The following EGFLAM variants were observed in gnomAD, a reference collection of about 807,000 sequenced individuals.
EGFLAM encodes the protein pikachurin.
EGFLAM carries 79 observed loss-of-function variants against 113.1 expected under a neutral mutation model. That is an observed-to-expected ratio of 0.70 (90% CI 0.58 to 0.84). The LOEUF (loss-of-function observed/expected upper bound fraction) is 0.84. Ranked by LOEUF, EGFLAM falls within the 40% of genes least tolerant of loss-of-function variation. The pLI, the probability that EGFLAM is intolerant of heterozygous loss-of-function variation, is 0.00. For missense variants in EGFLAM, 1,265 were observed against 1,291.6 expected (o/e 0.98, Z 0.32); for synonymous variants, 504 against 487.6 (o/e 1.03, Z -0.44).
chr5:38,407,705 G>T, intron 8 of EGFLAM, 100 bp from the exon 9 acceptor site: 2 of 770,960 alleles, frequency 2.6e-6, no homozygotes, highest in Non-Finnish European at 4.4e-6. Context: ...ATTAGTGAGG[G>T]TTCTCACTTA....
chr5:38,335,503 T>C (rs1013246653), intron 1 of EGFLAM, among the ~76,000 whole-genome samples: 3 of 152,184 alleles, frequency 2.0e-5, no homozygotes, highest in African/African-American at 7.2e-5. Context: ...TCTCATCCTG[T>C]GATTTCCCAG....
At chr5:38,436,463 A>T (rs2561824) in intron 16 of EGFLAM, among the ~76,000 whole-genome samples, 12,850 of 152,148 alleles carry the variant, frequency 0.084, 556 homozygotes, top group Middle Eastern at 0.1. Flanking sequence ...AGGCCCAGTC[A>T]ACATTTGCTG....
chr5:38,317,127 C>T (rs1225268202), intron 1 of EGFLAM, among the ~76,000 whole-genome samples: 3 of 152,100 alleles, frequency 2.0e-5, no homozygotes, highest in Non-Finnish European at 4.4e-5. Context: ...TGATCTTGAA[C>T]ATGTCAAAAA....
chr5:38,292,401 G>C (rs1480578398), intron 1 of EGFLAM, among the ~76,000 whole-genome samples: 3 of 152,188 alleles, frequency 2.0e-5, no homozygotes, highest in African/African-American at 7.2e-5. Context: ...TAAATGAAAA[G>C]TTTAAAAGGA....
chr5:38,441,583 C>T (rs531327425), intron 17 of EGFLAM, among the ~76,000 whole-genome samples: 2 of 146,088 alleles, frequency 1.4e-5, no homozygotes, highest in African/African-American at 2.6e-5. Context: ...GAATATGAAT[C>T]GCTGCTTTGT....
intron 16 of EGFLAM, among the ~76,000 whole-genome samples, chr5:38,435,719 C>T (rs115245906): frequency 1.3e-5 from 2 of 151,064 alleles, no homozygotes; most frequent in African/African-American, 4.9e-5. Context: ...TGTAACCAAG[C>T]TCTTAAGAGC....
At chr5:38,342,928 G>A (rs2561124) in intron 3 of EGFLAM, among the ~76,000 whole-genome samples, 74,754 of 152,056 alleles carry the variant, frequency 0.49, 19,591 homozygotes, top group Admixed American at 0.58. Flanking sequence ...TGGCATCTCA[G>A]TGGATTGTCT....
intron 1 of EGFLAM, among the ~76,000 whole-genome samples, chr5:38,334,917 G>A (rs1187433144): frequency 2.0e-5 from 3 of 152,300 alleles, no homozygotes; most frequent in African/African-American, 7.2e-5. Context: ...CCCTTGGGGA[G>A]CATTTGGTAA....
chr5:38,319,403 A>G (rs1738685047), intron 1 of EGFLAM, among the ~76,000 whole-genome samples: 1 of 152,202 alleles, frequency 6.6e-6, no homozygotes, highest in Non-Finnish European at 1.5e-5. Flanking sequence ...TAGAAGGAGG[A>G]CAGGGATTTA....
chr5:38,427,313 A>G (rs1031212491), intron 14 of EGFLAM, 61 bp downstream of exon 14: 8 of 1,577,392 alleles, frequency 5.1e-6, no homozygotes, highest in Admixed American at 1.8e-5. Context: ...ACTGCTTCAG[A>G]AAAAAACCAA....
chr5:38,265,213 A>G (rs1757604042), intron 1 of EGFLAM, among the ~76,000 whole-genome samples: 1 of 152,184 alleles, frequency 6.6e-6, no homozygotes. Flanking sequence ...GGGGAATAGT[A>G]GTCCATCTGT....
chr5:38,359,051 T>C (rs1739850106), intron 5 of EGFLAM, among the ~76,000 whole-genome samples: 2 of 152,312 alleles, frequency 1.3e-5, no homozygotes, highest in South Asian at 2.1e-4. Context: ...TTTTGAAATA[T>C]CTTGGCTATA....
intron 6 of EGFLAM, among the ~76,000 whole-genome samples, chr5:38,395,967 C>T (rs972338395): frequency 6.6e-6 from 1 of 152,002 alleles, no homozygotes; most frequent in African/African-American, 2.4e-5. Context: ...CATAGAAAAG[C>T]CTCTCCTTAT....
chr5:38,278,171 T>C (rs559889009), intron 1 of EGFLAM, among the ~76,000 whole-genome samples: 3 of 152,106 alleles, frequency 2.0e-5, no homozygotes, highest in South Asian at 4.2e-4. Flanking sequence ...GAAAACAGCA[T>C]GGTAGTAGCA....
chr5:38,407,697 T>G, intron 8 of EGFLAM, 108 bp from the exon 9 acceptor site: 1 of 715,208 alleles, frequency 1.4e-6, no homozygotes. Context: ...TTGAATAGAT[T>G]AGTGAGGGTT....
intron 11 of EGFLAM, among the ~76,000 whole-genome samples, chr5:38,416,733 A>C (rs572914707): frequency 1.3e-5 from 2 of 152,350 alleles, no homozygotes; most frequent in African/African-American, 4.8e-5. Flanking sequence ...GAATTCTGAG[A>C]ATCTTGGTGA....
intron 1 of EGFLAM, among the ~76,000 whole-genome samples, chr5:38,270,244 C>G (rs775243535): frequency 8.5e-5 from 13 of 152,208 alleles, no homozygotes; most frequent in Non-Finnish European, 1.8e-4. Flanking sequence ...TCCCCAAAAT[C>G]TTTTCAGATG....
chr5:38,424,337 C>T (rs1741929800), intron 12 of EGFLAM, among the ~76,000 whole-genome samples: 1 of 152,216 alleles, frequency 6.6e-6, no homozygotes, highest in Non-Finnish European at 1.5e-5. Flanking sequence ...GGCCACCTTT[C>T]TGTCCCTCAT....
chr5:38,440,689 G>T lies in EGFLAM; in HGVS notation c.2464+2234G>T, dbSNP rs1033569112. Among the ~76,000 whole-genome samples the T allele has an allele frequency of 2.6e-4, 40 of 152,140 alleles. No individual in the cohort carries two copies. In the East Asian group the frequency reaches 7.1e-3, roughly 27 times the overall value. On this transcript the variant is annotated intron_variant, in intron 17 of 21. Transcript: ENST00000322350. ...TAGCCTCATATATTTAAAAGTTGGG[G>T]TTTTTTTCTGCCTCATAATCAAACC...
Sources: allele counts gnomAD v4.1 joint callset (sites outside exome capture counted in the v4.1 genomes callset), GRCh38; gene constraint gnomAD v4.1.1; transcripts MANE v1.5; gene names NCBI Gene and HGNC (gene_info 2026-07-23, HGNC 2026-07-21).